Variants in LOC128462377 observed in about 807,000 individuals in gnomAD.
chr16:89,320,358 C>T, the LOC128462377 span: 1 of 152,240 alleles, frequency 6.6e-6, no homozygotes. Flanking sequence ...CCCTCATTTC[C>T]AAGTTATCAG....
chr16:89,333,387 G>A, the LOC128462377 span, among the ~76,000 whole-genome samples: 20 of 152,240 alleles, frequency 1.3e-4, no homozygotes, highest in Admixed American at 2.6e-4. Context: ...CCCACAGGCC[G>A]CACGACCTCA....
chr16:89,364,834 C>T, the LOC128462377 span, among the ~76,000 whole-genome samples: 4 of 152,214 alleles, frequency 2.6e-5, no homozygotes, highest in South Asian at 4.1e-4. Flanking sequence ...CTCAGCACCA[C>T]GGCCAACCTG....
the LOC128462377 span, among the ~76,000 whole-genome samples, chr16:89,362,764 T>C: frequency 6.6e-6 from 1 of 152,218 alleles, no homozygotes; most frequent in East Asian, 1.9e-4. Context: ...AAGCAAGCAT[T>C]AGGTCACGGC....
the LOC128462377 span, chr16:89,373,204 T>C: frequency 2.0e-5 from 3 of 152,220 alleles, no homozygotes; most frequent in South Asian, 2.1e-4. Flanking sequence ...AACTAAGACG[T>C]TTACCCAAGA....
the LOC128462377 span, among the ~76,000 whole-genome samples, chr16:89,414,025 G>T: frequency 6.7e-6 from 1 of 149,170 alleles, no homozygotes; most frequent in Non-Finnish European, 1.5e-5. Context: ...CACCACCACG[G>T]GCCTGCACAC....
the LOC128462377 span, among the ~76,000 whole-genome samples, chr16:89,345,980 G>A: frequency 6.6e-6 from 1 of 152,146 alleles, no homozygotes; most frequent in East Asian, 1.9e-4. Context: ...ACAGGCTCAT[G>A]CCTGTAATCC....
At chr16:89,353,479 C>T in the LOC128462377 span, among the ~76,000 whole-genome samples, 1 of 152,032 alleles carries the variant, frequency 6.6e-6, no homozygotes, top group African/African-American at 2.4e-5. Context: ...AGGAACTGGT[C>T]ACTTTTTCAT....
At chr16:89,341,904 A>G in the LOC128462377 span, among the ~76,000 whole-genome samples, 1 of 137,314 alleles carries the variant, frequency 7.3e-6, no homozygotes, top group Non-Finnish European at 1.6e-5. Flanking sequence ...ACCTCCACCC[A>G]CAGCGGCCAC....
the LOC128462377 span, among the ~76,000 whole-genome samples, chr16:89,343,146 G>A: frequency 2.0e-5 from 3 of 152,124 alleles, no homozygotes; most frequent in Non-Finnish European, 2.9e-5. Context: ...GTGCCACCAC[G>A]CCTGGCTCAT....
chr16:89,396,748 G>A, the LOC128462377 span, among the ~76,000 whole-genome samples: 5 of 152,166 alleles, frequency 3.3e-5, no homozygotes, highest in African/African-American at 9.7e-5. Flanking sequence ...GTGCAATGGC[G>A]CCATCTTGGC....
chr16:89,367,034 C>T, the LOC128462377 span, among the ~76,000 whole-genome samples: 8 of 152,200 alleles, frequency 5.3e-5, no homozygotes, highest in Non-Finnish European at 8.8e-5. Flanking sequence ...AGGCTGGATG[C>T]CCAGCCACGG....
chr16:89,354,207 A>C, the LOC128462377 span, among the ~76,000 whole-genome samples: 1 of 150,964 alleles, frequency 6.6e-6, no homozygotes, highest in African/African-American at 2.4e-5. Context: ...CATTTTCACA[A>C]ATTTTACATA....
the LOC128462377 span, among the ~76,000 whole-genome samples, chr16:89,336,505 T>C: frequency 6.6e-6 from 1 of 152,314 alleles, no homozygotes; most frequent in South Asian, 2.1e-4. Context: ...TAGCAGGACA[T>C]TGCCCAGATT....
chr16:89,380,947 G>A, the LOC128462377 span, among the ~76,000 whole-genome samples: 9 of 152,216 alleles, frequency 5.9e-5, no homozygotes, highest in African/African-American at 2.2e-4. Flanking sequence ...GCTTCCCAGT[G>A]TGGGCCCACT....
the LOC128462377 span, among the ~76,000 whole-genome samples, chr16:89,334,374 A>T: frequency 6.6e-6 from 1 of 151,558 alleles, no homozygotes; most frequent in Non-Finnish European, 1.5e-5. Flanking sequence ...AACAGAAACA[A>T]CCTCCTCTCA....
At chr16:89,358,400 G>C in the LOC128462377 span, among the ~76,000 whole-genome samples, 16 of 152,348 alleles carry the variant, frequency 1.1e-4, no homozygotes, top group African/African-American at 3.8e-4. Flanking sequence ...ACGTTTCAAA[G>C]AGCCACGTGG....
At chr16:89,381,453 A>T in the LOC128462377 span, among the ~76,000 whole-genome samples, 1 of 152,140 alleles carries the variant, frequency 6.6e-6, no homozygotes, top group African/African-American at 2.4e-5. Context: ...TTGTATAAGG[A>T]GCAAGAGCTT....
chr16:89,339,084 G>A, the LOC128462377 span, among the ~76,000 whole-genome samples: 9 of 152,244 alleles, frequency 5.9e-5, no homozygotes, highest in Admixed American at 3.3e-4. Context: ...CTGGGTAACC[G>A]CTGATGGGTG....
chr16:89,358,428 T>C, the LOC128462377 span, among the ~76,000 whole-genome samples: 1 of 152,236 alleles, frequency 6.6e-6, no homozygotes, highest in Non-Finnish European at 1.5e-5. Flanking sequence ...CCTATATTAC[T>C]GGTACTCAAT....
Sources: gnomAD v4.1 joint callset for allele counts (sites outside exome capture counted in the v4.1 genomes callset) on GRCh38, gnomAD v4.1.1 for gene constraint, MANE v1.5 for transcripts.